ZCCHC4: variants seen among roughly 807,000 people sequenced by gnomAD.
The protein encoded by ZCCHC4 is rRNA N(6)-adenosine-methyltransferase ZCCHC4.
A neutral mutation model predicts 67.7 loss-of-function variants in ZCCHC4; 54 were observed. That is an observed-to-expected ratio of 0.80 (90% confidence interval 0.64 to 1.00). The LOEUF is 1.00. ZCCHC4 is among the 50% of genes least tolerant of loss of function. ZCCHC4 has a pLI of 0.00. For synonymous variants in ZCCHC4, 198 were observed against 213.5 expected (o/e 0.93, Z 0.63); for missense variants, 609 against 617.0 (o/e 0.99, Z 0.14).
intron 5 of ZCCHC4, among the ~76,000 whole-genome samples, chr4:25,336,065 AG>A (rs973165379): frequency 6.6e-6 from 1 of 152,194 alleles, no homozygotes; most frequent in Non-Finnish European, 1.5e-5. Context: ...TATATATTTC[AG>A]TGGTTTTTGT....
chr4:25,351,795 A>G lies in ZCCHC4; in HGVS notation c.1011+106A>G, dbSNP rs560401134. 3.6e-6 allele frequency: 4 copies of G among 1,107,768 alleles called. No individual in the cohort carries two copies. The East Asian group carries it at 7.7e-5, about 21-fold the overall frequency. 68.6% of individuals were successfully genotyped at this position (1,107,768 alleles called of 1,614,324 possible). ...TAGTAAAATACAATGAGCTGTATTA[A>G]ACACTAATATTATACCATATATAGC... On this transcript the variant is annotated intron_variant, in intron 8 of 12. Coordinates refer to ENST00000302874, the MANE Select transcript of ZCCHC4 (RefSeq NM_024936.3).
chr4:25,320,615 C>T (rs1718533499), intron 3 of ZCCHC4, among the ~76,000 whole-genome samples: 1 of 152,196 alleles, frequency 6.6e-6, no homozygotes, highest in African/African-American at 2.4e-5. Context: ...TTGAGTGCTT[C>T]ATATTCTCAT....
chr4:25,333,970 T>C lies in ZCCHC4; in HGVS notation c.668T>C (p.Leu223Ser), dbSNP rs1719321990. ...AAGAAGTCTAACATTAAAAGCCTTT[T>C]ATTGGATATTGATTTTCGGTAGGTT... ...GDKKSNIKSL[L>S]LDIDFRYSQF... is the part of the protein sequence containing the mutation. Residue 223 changes from leucine to serine, a missense_variant, in exon 5 of 13, where the codon TTA becomes TCA. Coordinates refer to ENST00000302874, the MANE Select transcript of ZCCHC4 (RefSeq NM_024936.3). 4.4e-6 allele frequency: 7 copies of C among 1,602,824 alleles called. No homozygotes were observed. Among genetic ancestry groups the C allele is most frequent in the Non-Finnish European group, 5.9e-6 (7 of 1,177,136 alleles).
intron 5 of ZCCHC4, among the ~76,000 whole-genome samples, chr4:25,339,631 T>A (rs991726934): frequency 6.6e-6 from 1 of 152,224 alleles, no homozygotes; most frequent in Non-Finnish European, 1.5e-5. Context: ...TTGTGAAAGT[T>A]CTTAATATAT....
rs544020341 is a variant in ZCCHC4 at position 25,368,856 on chromosome 4, C to T, written c.1407-173C>T. Among the ~76,000 whole-genome samples the T allele has an allele frequency of 1.3e-5, 2 of 152,168 alleles. 1 individual carries two copies. The highest frequency in any genetic ancestry group is 3.9e-4 in the East Asian group (2 of 5,178). The stretch of plus-strand genomic sequence containing the variant: ...TCAAACATTTTGCTTGGTTAGGCCT[C>T]TGACTCTTCCCTTGTTGTTATGGTT... On this transcript the variant is annotated intron_variant, in intron 12 of 12. Coordinates refer to ENST00000302874, the MANE Select transcript of ZCCHC4 (RefSeq NM_024936.3).
At chr4:25,362,082 G>A in intron 9 of ZCCHC4, 102 bp downstream of exon 9, 1 of 1,480,214 alleles carries the variant, frequency 6.8e-7, no homozygotes, top group Non-Finnish European at 9.1e-7. Flanking sequence ...TTATTCTTCT[G>A]TTACTTTTAA....
chr4:25,351,683 T>G lies in ZCCHC4; in HGVS notation c.1005T>G (p.Asp335Glu). The change falls in exon 8 of 13, where the codon GAT becomes GAG. Residue 335 changes from aspartate to glutamate, a missense_variant. Asp to Glu is a conservative substitution (Grantham distance 45, BLOSUM62 2). Transcript: ENST00000302874. ...TTTTTCCAAGCTTCCAGATGCTGGA[T>G]TACCAGGTAGAGTACATATTCTGTT... ...CQFFPSFQML[D>E]YQVDYDNHAL... 1 of 1,609,164 alleles carries G rather than the reference T, an allele frequency of 6.2e-7. No homozygotes were observed. Among genetic ancestry groups the G allele is most frequent in the South Asian group, 1.1e-5 (1 of 90,636 alleles).
At chr4:25,344,223 T>A (rs1196924642) in intron 5 of ZCCHC4, among the ~76,000 whole-genome samples, 1 of 152,132 alleles carries the variant, frequency 6.6e-6, no homozygotes, top group Non-Finnish European at 1.5e-5. Flanking sequence ...CCAAAGGTGG[T>A]ACTCTCATGC....
intron 1 of ZCCHC4, 108 bp downstream of exon 1, chr4:25,313,044 A>T (rs1577717000): frequency 6.8e-7 from 1 of 1,475,454 alleles, no homozygotes; most frequent in African/African-American, 1.4e-5. Flanking sequence ...TTCCCTCACC[A>T]GTGTGCTGCC....
rs368369900 is a variant in ZCCHC4, at chr4:25,364,437, G to GTTTTTTTT, written c.1210-13_1210-6dup. Reference sequence around the variant, plus strand: ...ACAAATTAATTATAATTTAAAAATTGTTTTTTTTTTTGGTAGGATGGCAGG... The same window carrying GTTTTTTTT: ...ACAAATTAATTATAATTTAAAAATTGTTTTTTTTTTTTTTTTTTTGGTAGGATGGCAGG... On this transcript the variant is annotated splice_polypyrimidine_tract_variant and intron_variant, in intron 10 of 12. Coordinates refer to ENST00000302874, the MANE Select transcript of ZCCHC4 (RefSeq NM_024936.3). 1 of 871,436 alleles carries GTTTTTTTT rather than the reference G, an allele frequency of 1.1e-6. No homozygotes were observed. The allele number at this position is 871,436 out of a possible 1,614,324, so 54.0% of individuals were successfully genotyped here.
intron 6 of ZCCHC4, among the ~76,000 whole-genome samples, chr4:25,347,858 G>A (rs1374254504): frequency 1.3e-5 from 2 of 152,122 alleles, no homozygotes; most frequent in Admixed American, 1.3e-4. Flanking sequence ...AAATTGCCGG[G>A]CACTTTTTAA....
At chr4:25,338,234 C>T (rs959244995) in intron 5 of ZCCHC4, among the ~76,000 whole-genome samples, 2 of 152,156 alleles carry the variant, frequency 1.3e-5, no homozygotes, top group African/African-American at 4.8e-5. Context: ...GCTGGGACCA[C>T]AGGCGTGTGC....
At chr4:25,339,477 T>A (rs1234860744) in intron 5 of ZCCHC4, among the ~76,000 whole-genome samples, 1 of 152,250 alleles carries the variant, frequency 6.6e-6, no homozygotes, top group Non-Finnish European at 1.5e-5. Context: ...TGAAGTGGTA[T>A]CTCCTTGAGG....
intron 3 of ZCCHC4, among the ~76,000 whole-genome samples, chr4:25,324,014 G>GTTTTTTTTTTTCTT (rs1718725200): frequency 1.2e-5 from 1 of 82,448 alleles, no homozygotes. Flanking sequence ...TGTTTTTTGT[G>GTTTTTTTTTTTCTT]TTTTTTTTTT....
intron 5 of ZCCHC4, among the ~76,000 whole-genome samples, chr4:25,343,762 T>G (rs1719862124): frequency 6.6e-6 from 1 of 152,192 alleles, no homozygotes; most frequent in South Asian, 2.1e-4. Context: ...TCCCTTACAT[T>G]AAATATTCAC....
At position 25,359,821 on chromosome 4, in the gene ZCCHC4, G is replaced by A. The variant is rs562488235; in HGVS notation, c.1012-2038G>A. ...AAGACTATGTGCTGCAGCCAGGTGGGGTTATAAAGTCTTTTCTGTTTGATG... is the reference window on the plus strand; with the variant it reads ...AAGACTATGTGCTGCAGCCAGGTGGAGTTATAAAGTCTTTTCTGTTTGATG... On this transcript the variant is annotated intron_variant, in intron 8 of 12. Coordinates refer to ENST00000302874, the MANE Select transcript of ZCCHC4 (RefSeq NM_024936.3). This position sits in a 1 kb window ranked among gnomAD's most constrained non-coding sequence, Gnocchi z 4.9. Among the ~76,000 whole-genome samples the A allele has an allele frequency of 3.3e-5, 5 of 152,336 alleles. No individual in the cohort carries two copies. The highest frequency in any genetic ancestry group is 4.1e-4 in the South Asian group (2 of 4,830).
chr4:25,325,304 T>C (rs1224328128), intron 3 of ZCCHC4, among the ~76,000 whole-genome samples: 1 of 107,584 alleles, frequency 9.3e-6, no homozygotes, highest in African/African-American at 3.0e-5. Context: ...TTTCACTCTC[T>C]CTTTTTTTTT....
Position 25,321,850 on chromosome 4 carries a change from C to G in ZCCHC4, c.329+6450C>G, listed in dbSNP as rs546806237. ...TACTTCTCTGATATCAAATGCATGT[C>G]CTGTTGCTCTGTTCTGGTGGCTGAC... On this transcript the variant is annotated intron_variant, in intron 3 of 12. Transcript: ENST00000302874. Among the ~76,000 whole-genome samples, 105 of 152,244 alleles carry G rather than the reference C, an allele frequency of 6.9e-4. No homozygotes were observed. The Middle Eastern group carries it at 0.014, about 20-fold the overall frequency.
rs185981912 is a variant in ZCCHC4 at position 25,336,145 on chromosome 4, A to C, written c.686+2157A>C. ...GAACATTTCTATCATACTGAAAAGAAACCTAGAGTTCGCTTCCCCTCACAA... is the reference window on the plus strand; with the variant it reads ...GAACATTTCTATCATACTGAAAAGACACCTAGAGTTCGCTTCCCCTCACAA... On this transcript the variant is annotated intron_variant, in intron 5 of 12. Coordinates refer to ENST00000302874, the MANE Select transcript of ZCCHC4 (RefSeq NM_024936.3). 2.0e-5 allele frequency among the ~76,000 whole-genome samples: 3 copies of C among 152,376 alleles called. No homozygotes were observed. The East Asian group carries it at 5.8e-4, about 29-fold the overall frequency.
Sources: gnomAD v4.1 joint callset for allele counts (sites outside exome capture counted in the v4.1 genomes callset) on GRCh38, gnomAD v4.1.1 for gene constraint, Gnocchi (gnomAD v3.1) non-coding constraint, MANE v1.5 for transcripts, NCBI Gene and HGNC (gene_info 2026-07-23, HGNC 2026-07-21) for gene names.